The following HELLS variants were observed in gnomAD, a reference collection of about 807,000 sequenced individuals.
HELLS encodes the protein lymphoid-specific helicase.
Under a neutral mutation model 120.0 loss-of-function variants are expected in HELLS, and 32 were observed. The observed-to-expected ratio is 0.27, with a 90% CI of 0.20 to 0.36. HELLS has a LOEUF of 0.36. Ranked by LOEUF, HELLS falls within the 10% of genes least tolerant of loss-of-function variation. The pLI is 1.00. For missense variants in HELLS, 650 were observed against 993.4 expected (o/e 0.65, Z 4.65); for synonymous variants, 341 against 323.4 (o/e 1.05, Z -0.58).
chr10:94,573,280 A>G (rs1482888272), intron 7 of HELLS, among the ~76,000 whole-genome samples: 1 of 152,058 alleles, frequency 6.6e-6, no homozygotes, highest in Non-Finnish European at 1.5e-5. Flanking sequence ...TTTGTAAAGT[A>G]TCTGTTAATA....
intron 2 of HELLS, among the ~76,000 whole-genome samples, chr10:94,553,552 ATT>A (rs397844496): frequency 4.2e-4 from 51 of 122,222 alleles, no homozygotes; most frequent in Non-Finnish European, 4.4e-4. Context: ...CCTGGCCCCA[ATT>A]TTTTTTTTTT....
chr10:94,564,090 G>A (rs764856018), intron 6 of HELLS, among the ~76,000 whole-genome samples: 60 of 152,290 alleles, frequency 3.9e-4, no homozygotes, highest in Non-Finnish European at 7.9e-4. Context: ...GATTACAGGC[G>A]TGAGCCACTG....
chr10:94,606,511 TAA>T (rs111926762), downstream of HELLS, among the ~76,000 whole-genome samples: 7 of 143,048 alleles, frequency 4.9e-5, no homozygotes, highest in African/African-American at 7.7e-5. Context: ...CCAGATAATT[TAA>T]AAAAAAAAAA....
exon 10 of HELLS, chr10:94,611,441 T>C (rs1438108850): frequency 6.6e-6 from 1 of 152,150 alleles, no homozygotes; most frequent in Non-Finnish European, 1.5e-5. Context: ...TTAATAATAA[T>C]TAATAATTAG....
rs368052943 is a variant in HELLS at position 94,573,313 on chromosome 10, C to T, written c.478-647C>T. 1.2e-4 allele frequency among the ~76,000 whole-genome samples: 19 copies of T among 152,092 alleles called. No homozygotes were observed. In the South Asian group the frequency reaches 2.9e-3, roughly 23 times the overall value. On this transcript the variant is annotated intron_variant, in intron 7 of 21. Transcript: ENST00000348459. ...ATATCTTTTGCCCGTCTTATTTATG[C>T]GTACTGTATTTTCTGTGTAACAGTT...
intron 11 of HELLS, among the ~76,000 whole-genome samples, chr10:94,582,208 T>G (rs1341867810): frequency 6.6e-6 from 1 of 152,168 alleles, no homozygotes; most frequent in African/African-American, 2.4e-5. Context: ...TTTTGGGAAT[T>G]TATTTCAAAT....
intron 8 of HELLS, among the ~76,000 whole-genome samples, chr10:94,607,572 T>G (rs912953503): frequency 4.6e-5 from 7 of 152,242 alleles, no homozygotes; most frequent in African/African-American, 1.7e-4. Flanking sequence ...TTTATTTCTT[T>G]AGTGAGTCAC....
Position 94,601,693 on chromosome 10 carries a change from T to C in HELLS, c.*71T>C. ...TGATTTCCCTGTATTGGGTTTGAAA[T>C]ACTGATTGTCCACTTCACCTTTTTT... On this transcript the variant is annotated 3_prime_UTR_variant, in exon 22 of 22. Coordinates refer to ENST00000348459, the MANE Select transcript of HELLS (RefSeq NM_018063.5). 3 of 766,740 alleles carry C rather than the reference T, an allele frequency of 3.9e-6. No individual in the cohort carries two copies. Among genetic ancestry groups the C allele is most frequent in the Non-Finnish European group, 6.5e-6 (3 of 459,674 alleles). 47.5% of individuals were successfully genotyped at this position (766,740 alleles called of 1,614,324 possible). A position where few individuals can be genotyped will look rare whatever the true frequency, so the allele number is the denominator to read the frequency against.
downstream of HELLS, among the ~76,000 whole-genome samples, chr10:94,602,907 C>G (rs1846080775): frequency 6.6e-6 from 1 of 152,142 alleles, no homozygotes. Flanking sequence ...TCCTTAGTGA[C>G]CCAGTCTTTC....
chr10:94,592,349 A>AT (rs748752044), intron 16 of HELLS, 37 bp downstream of exon 16: 21 of 1,582,978 alleles, frequency 1.3e-5, no homozygotes, highest in Non-Finnish European at 1.6e-5. Context: ...TTGTTCAATT[A>AT]TTTTTTTATC....
intron 2 of HELLS, 105 bp downstream of exon 2, chr10:94,546,603 A>G: frequency 8.0e-7 from 1 of 1,249,562 alleles, no homozygotes; most frequent in Non-Finnish European, 1.1e-6. Context: ...TGGGCTTTTT[A>G]ATAACTGAAA....
intron 13 of HELLS, among the ~76,000 whole-genome samples, chr10:94,589,372 T>C (rs1314132413): frequency 6.6e-6 from 1 of 152,200 alleles, no homozygotes; most frequent in Admixed American, 6.5e-5. Flanking sequence ...GATATGAAAC[T>C]GAAAGGAAAT....
At position 94,558,171 on chromosome 10, in the gene HELLS, A is replaced by G; in HGVS notation, c.309A>G (p.Lys103=). The G allele has an allele frequency of 6.4e-7, 1 of 1,569,878 alleles. No homozygotes were observed. The highest frequency in any genetic ancestry group is 8.6e-7 in the Non-Finnish European group (1 of 1,165,714). Reference sequence around the variant, plus strand: ...AGAAGAAAGAAAAATTGGAGAGAAAAAAGGAGTCTTTAAAAGTTAAAAAGG... The same window carrying G: ...AGAAGAAAGAAAAATTGGAGAGAAAGAAGGAGTCTTTAAAAGTTAAAAAGG... ...EQKKKEKLER[K]KESLKVKKGK... is the part of the protein sequence containing the mutation. Residue 103 remains lysine (K), a synonymous_variant, in exon 4 of 22, where the codon AAA becomes AAG. Coordinates refer to ENST00000348459, the MANE Select transcript of HELLS (RefSeq NM_018063.5).
rs67491329 is a variant in HELLS at position 94,589,680 on chromosome 10, C to CTTT, written c.1489-711_1489-709dup. 6.9e-3 allele frequency among the ~76,000 whole-genome samples: 631 copies of CTTT among 91,986 alleles called. 29 individuals are homozygous for CTTT. The highest frequency in any genetic ancestry group is 0.021 in the African/African-American group (469 of 22,276). The allele number at this position is 91,986 out of a possible 152,430, so 60.3% of individuals were successfully genotyped here. ...GACCACCAGACTCTTCTCCCCCCGA[C>CTTT]TTTTTTTTTTTTTTTTTTTTTTTTG... On this transcript the variant is annotated intron_variant, in intron 13 of 21. Transcript: ENST00000348459.
chr10:94,597,911 T>A (rs1845819545), intron 21 of HELLS, among the ~76,000 whole-genome samples: 2 of 152,170 alleles, frequency 1.3e-5, no homozygotes, highest in Admixed American at 6.5e-5. Context: ...AATGGTGATT[T>A]TTCTTGTTCT....
rs1245174988 is a variant in HELLS, at chr10:94,593,623, G to A, written c.2088+8G>A. 1 of 1,479,476 alleles carries A rather than the reference G, an allele frequency of 6.8e-7. No individual in the cohort carries two copies. Among genetic ancestry groups the A allele is most frequent in the Non-Finnish European group, 9.5e-7 (1 of 1,057,630 alleles). The allele number at this position is 1,479,476 out of a possible 1,614,324, so 91.6% of individuals were successfully genotyped here. ...ATTTATGATAGTGATTGGGTAAGTT[G>A]GAAGTATAGCAAGGAATATGCTGAT... On this transcript the variant is annotated splice_region_variant and intron_variant, in intron 18 of 21. Transcript: ENST00000348459.
chr10:94,575,098 A>ATTTTTTTTTTTTTTTTTTTTT (rs570447113), intron 9 of HELLS, among the ~76,000 whole-genome samples: 1 of 121,814 alleles, frequency 8.2e-6, no homozygotes, highest in Non-Finnish European at 1.7e-5. Context: ...ACCTTCTGCA[A>ATTTTTTTTTTTTTTTTTTTTT]TTTTTTTTTT....
chr10:94,587,448 G>A (rs1845226128), intron 12 of HELLS, among the ~76,000 whole-genome samples: 1 of 151,848 alleles, frequency 6.6e-6, no homozygotes, highest in South Asian at 2.1e-4. Flanking sequence ...TGTGTGTGGA[G>A]ACAGAGTCTT....
intron 2 of HELLS, among the ~76,000 whole-genome samples, chr10:94,549,239 CTA>C (rs1266508395): frequency 6.6e-6 from 1 of 152,158 alleles, no homozygotes; most frequent in Non-Finnish European, 1.5e-5. Flanking sequence ...AAACAATTAA[CTA>C]TGCACAGGTA....
Sources: gnomAD v4.1 joint callset for allele counts (sites outside exome capture counted in the v4.1 genomes callset) on GRCh38, gnomAD v4.1.1 for gene constraint, MANE v1.5 for transcripts, NCBI Gene and HGNC (gene_info 2026-07-23, HGNC 2026-07-21) for gene names.